PTPRN2: variants seen among roughly 807,000 people sequenced by gnomAD.
PTPRN2 encodes protein tyrosine phosphatase receptor type N2.
A neutral mutation model predicts 118.8 loss-of-function variants in PTPRN2; 74 were observed. The ratio of observed to expected loss-of-function variants is 0.62; its 90% CI spans 0.52 to 0.76. The LOEUF (loss-of-function observed/expected upper bound fraction) is 0.76, where lower values mean the gene tolerates loss of function less well. Ranked by LOEUF, PTPRN2 falls within the 30% of genes least tolerant of loss-of-function variation. PTPRN2 has a pLI of 0.00. For missense variants in PTPRN2, 1,481 were observed against 1,394.4 expected, an observed-to-expected ratio of 1.06 and a Z score of -0.99; for synonymous variants, 641 against 608.0, an observed-to-expected ratio of 1.05 and a Z score of -0.80.
At chr7:157,551,547 C>T (rs541014529) in intron 21 of PTPRN2, among the ~76,000 whole-genome samples, 56 of 147,088 alleles carry the variant, frequency 3.8e-4, no homozygotes, top group Admixed American at 1.2e-3. Context: ...ACCCCACAGC[C>T]ACCACACACC....
intron 5 of PTPRN2, among the ~76,000 whole-genome samples, chr7:158,172,866 C>A (rs1256804961): frequency 3.5e-5 from 5 of 143,558 alleles, no homozygotes; most frequent in Non-Finnish European, 7.4e-5. Context: ...ATCCACAGCA[C>A]CATCCATACC....
intron 12 of PTPRN2, among the ~76,000 whole-genome samples, chr7:157,877,346 C>A (rs530613436): frequency 7.3e-5 from 11 of 150,086 alleles, no homozygotes; most frequent in South Asian, 2.1e-4. Context: ...TTCTCGGGGA[C>A]CCCGGGTCCG....
At chr7:157,945,761 GCCGCCTCCAGCTTGGACAA>G (rs1318392020) in intron 11 of PTPRN2, among the ~76,000 whole-genome samples, 19,851 of 151,238 alleles carry the variant, frequency 0.13, 1,404 homozygotes, top group Non-Finnish European at 0.15. Flanking sequence ...CTTGGACAAT[GCCGCCTCCAGCTTGGACAA>G]TGCCGCCTTC....
At chr7:157,909,706 A>G (rs1225191247) in intron 11 of PTPRN2, among the ~76,000 whole-genome samples, 1 of 152,068 alleles carries the variant, frequency 6.6e-6, no homozygotes. Context: ...TCATCCCATC[A>G]CCTGTCTGTG....
chr7:158,071,617 TGGAGG>T (rs1236437569), intron 11 of PTPRN2, among the ~76,000 whole-genome samples: 4 of 126,062 alleles, frequency 3.2e-5, no homozygotes, highest in Non-Finnish European at 5.1e-5. Context: ...GTGCTCGTGG[TGGAGG>T]TGCTCGTGGT....
chr7:158,396,723 T>C (rs1047628132), intron 2 of PTPRN2, among the ~76,000 whole-genome samples: 1 of 152,214 alleles, frequency 6.6e-6, no homozygotes, highest in Non-Finnish European at 1.5e-5. Context: ...CATGTGTGTG[T>C]GTGCGCATAC....
intron 11 of PTPRN2, among the ~76,000 whole-genome samples, chr7:158,006,445 C>T (rs1805637166): frequency 6.6e-6 from 1 of 152,248 alleles, no homozygotes; most frequent in African/African-American, 2.4e-5. Flanking sequence ...AGCTGACCTC[C>T]TGCCATCCTG....
At chr7:157,696,663 C>T (rs1423570194) in intron 12 of PTPRN2, among the ~76,000 whole-genome samples, 10 of 148,108 alleles carry the variant, frequency 6.8e-5, no homozygotes, top group African/African-American at 2.0e-4. Flanking sequence ...CACCATCTAC[C>T]TATGCATACT....
intron 5 of PTPRN2, among the ~76,000 whole-genome samples, chr7:158,190,933 G>A (rs1212175207): frequency 6.6e-6 from 1 of 152,250 alleles, no homozygotes; most frequent in Non-Finnish European, 1.5e-5. Context: ...GAACCATGGG[G>A]CCAAGGCCGG....
chr7:157,860,734 G>C (rs1810171899), intron 12 of PTPRN2, among the ~76,000 whole-genome samples: 1 of 152,244 alleles, frequency 6.6e-6, no homozygotes, highest in Non-Finnish European at 1.5e-5. Context: ...TGTGGGTAGA[G>C]AGCAGACAGT....
chr7:158,520,088 C>G (rs886367287), intron 1 of PTPRN2, among the ~76,000 whole-genome samples: 7 of 152,212 alleles, frequency 4.6e-5, no homozygotes, highest in African/African-American at 1.7e-4. Context: ...TCAAACTTGT[C>G]ATTTCTTTTA....
At chr7:157,755,695 A>G (rs1283757421) in intron 12 of PTPRN2, among the ~76,000 whole-genome samples, 1 of 152,084 alleles carries the variant, frequency 6.6e-6, no homozygotes, top group Non-Finnish European at 1.5e-5. Context: ...GGACACAAAG[A>G]TGGGAATGAC....
At chr7:157,548,349 A>C (rs1463203633) in intron 22 of PTPRN2, among the ~76,000 whole-genome samples, 2 of 152,238 alleles carry the variant, frequency 1.3e-5, no homozygotes, top group African/African-American at 4.8e-5. Flanking sequence ...GGCGAAATGA[A>C]ACCAAGGAGC....
chr7:158,363,032 A>G (rs1809124314), intron 2 of PTPRN2, among the ~76,000 whole-genome samples: 1 of 152,176 alleles, frequency 6.6e-6, no homozygotes, highest in African/African-American at 2.4e-5. Context: ...AGGCGGCCCC[A>G]GCTGTCTCCG....
rs151190425 is a variant in PTPRN2 at position 157,626,565 on chromosome 7, T to C, written c.2197-5056A>G. ...TAACCCACCCCCCACATCAAACAGT[T>C]ACTACTTCAAACATACGTCTCTGTG... On this transcript the variant is annotated intron_variant, in intron 14 of 22. Coordinates refer to ENST00000389418, the MANE Select transcript of PTPRN2 (RefSeq NM_002847.5). Among the ~76,000 whole-genome samples the C allele has an allele frequency of 4.6e-5, 7 of 152,224 alleles. No homozygotes were observed. The East Asian group carries it at 1.4e-3, about 29-fold the overall frequency.
chr7:158,085,821 CGATGCCCATCCACACCCAT>C (rs2128937199), intron 10 of PTPRN2, among the ~76,000 whole-genome samples: 1 of 85,816 alleles, frequency 1.2e-5, no homozygotes, highest in African/African-American at 3.8e-5. Context: ...TCCACACCCA[CGATGCCCATCCACACCCAT>C]GACGCCCATC....
chr7:158,128,513 A>G (rs1204152080), intron 9 of PTPRN2, among the ~76,000 whole-genome samples: 1 of 152,198 alleles, frequency 6.6e-6, no homozygotes, highest in African/African-American at 2.4e-5. Flanking sequence ...GAATGCAAAG[A>G]AAAGCCCTAG....
chr7:157,860,921 C>A (rs955636227), intron 12 of PTPRN2, among the ~76,000 whole-genome samples: 3 of 152,250 alleles, frequency 2.0e-5, no homozygotes, highest in Non-Finnish European at 2.9e-5. Flanking sequence ...CAGTCAGTAG[C>A]TGTCAAAACT....
chr7:158,032,124 G>A (rs1007499750), intron 11 of PTPRN2, among the ~76,000 whole-genome samples: 3 of 152,168 alleles, frequency 2.0e-5, no homozygotes, highest in African/African-American at 2.4e-5. Context: ...CTTCCCTTTC[G>A]GAAACCTGCC....
Sources: gnomAD v4.1 joint callset for allele counts (sites outside exome capture counted in the v4.1 genomes callset) on GRCh38, gnomAD v4.1.1 for gene constraint, MANE v1.5 for transcripts, NCBI Gene and HGNC (gene_info 2026-07-23, HGNC 2026-07-21) for gene names.